Variants in PEX14 observed in about 807,000 individuals in gnomAD.
PEX14 encodes peroxisomal biogenesis factor 14.
In PEX14, 15 loss-of-function variants were observed where a neutral mutation model predicts 49.5. The observed-to-expected ratio is 0.30, with a 90% CI of 0.20 to 0.47. The LOEUF is 0.47. PEX14 is among the 20% of genes least tolerant of loss of function. The probability of loss-of-function intolerance (pLI) is 1.00; values close to 1 mark genes in which losing one functional copy is unlikely to be tolerated. For missense variants in PEX14, 398 were observed against 494.8 expected, an observed-to-expected ratio of 0.80 and a Z score of 1.86; for synonymous variants, 210 against 212.7, an observed-to-expected ratio of 0.99 and a Z score of 0.11.
intron 3 of PEX14, among the ~76,000 whole-genome samples, chr1:10,541,264 C>T (rs949595797): frequency 6.6e-6 from 1 of 152,200 alleles, no homozygotes; most frequent in Non-Finnish European, 1.5e-5. Context: ...CCCCGTGGTC[C>T]TAGACAAACA....
chr1:10,557,281 G>C (rs1439942121), intron 3 of PEX14, among the ~76,000 whole-genome samples: 10 of 152,270 alleles, frequency 6.6e-5, no homozygotes, highest in African/African-American at 2.4e-4. Context: ...GATTACCTTT[G>C]TGGGGTAAAA....
At chr1:10,586,402 C>T (rs544828657) in intron 3 of PEX14, among the ~76,000 whole-genome samples, 12 of 152,200 alleles carry the variant, frequency 7.9e-5, no homozygotes, top group Middle Eastern at 3.4e-3. Flanking sequence ...ACATTGTTGG[C>T]AGTATCTGTT....
chr1:10,590,610 A>T (rs1037836107), intron 3 of PEX14, among the ~76,000 whole-genome samples: 1 of 152,212 alleles, frequency 6.6e-6, no homozygotes, highest in African/African-American at 2.4e-5. Context: ...TTGCACTCTC[A>T]CATTGCCTAG....
chr1:10,522,029 A>G (rs1467481500), intron 2 of PEX14, among the ~76,000 whole-genome samples: 2 of 152,150 alleles, frequency 1.3e-5, no homozygotes, highest in Non-Finnish European at 2.9e-5. Flanking sequence ...GAATTTAGCC[A>G]TTCTGGAATG....
At chr1:10,618,195 G>A (rs1641482363) in intron 4 of PEX14, 137 bp from the exon 5 acceptor site, 1 of 686,536 alleles carries the variant, frequency 1.5e-6, no homozygotes, top group Non-Finnish European at 2.7e-6. Flanking sequence ...ATCATGTGCT[G>A]CCTTCCTGCG....
chr1:10,500,365 T>C (rs1641651285), intron 2 of PEX14, among the ~76,000 whole-genome samples: 1 of 114,802 alleles, frequency 8.7e-6, no homozygotes, highest in South Asian at 3.1e-4. Context: ...CAGAGCCAGA[T>C]TCTGTCTCAA....
chr1:10,587,840 A>T (rs1640539217), intron 3 of PEX14, among the ~76,000 whole-genome samples: 1 of 149,980 alleles, frequency 6.7e-6, no homozygotes, highest in African/African-American at 2.5e-5. Context: ...CAGCATGTAT[A>T]GCGTGCTATC....
intron 3 of PEX14, among the ~76,000 whole-genome samples, chr1:10,555,128 C>T (rs936080482): frequency 2.0e-5 from 3 of 152,086 alleles, no homozygotes; most frequent in African/African-American, 7.2e-5. Flanking sequence ...CTGACCCTAC[C>T]CCCCAATAAC....
chr1:10,546,835 C>T (rs957516512), intron 3 of PEX14, among the ~76,000 whole-genome samples: 10 of 151,992 alleles, frequency 6.6e-5, no homozygotes, highest in African/African-American at 2.4e-4. Context: ...CGCCACTGCA[C>T]TCCAGCCTGG....
At chr1:10,624,512 C>A in intron 7 of PEX14, 75 bp downstream of exon 7, 1 of 1,030,736 alleles carries the variant, frequency 9.7e-7, no homozygotes, top group Non-Finnish European at 1.5e-6. Context: ...TCCCTTGGGC[C>A]GGGCTTGCCA....
intron 4 of PEX14, among the ~76,000 whole-genome samples, chr1:10,610,288 T>A (rs2124620297): frequency 6.8e-6 from 1 of 148,036 alleles, no homozygotes; most frequent in South Asian, 2.1e-4. Context: ...AGACACCATC[T>A]CACTCTGTTG....
rs965180819 is a variant in PEX14 at position 10,628,076 on chromosome 1, C to T, written c.677+713C>T. Among the ~76,000 whole-genome samples the T allele has an allele frequency of 5.9e-5, 9 of 152,204 alleles. No individual in the cohort carries two copies. Among genetic ancestry groups the T allele is most frequent in the African/African-American group, 2.2e-4 (9 of 41,448 alleles). On this transcript the variant is annotated intron_variant, in intron 8 of 8. Transcript: ENST00000356607. This position sits in a 1 kb window ranked among gnomAD's most constrained non-coding sequence, Gnocchi z 4.5. ...TCAGCCTCCCGAGTAGCTGGGATTA[C>T]AGGCGCCCGCCACCACTCCCGGCTA... is the stretch of plus-strand genomic sequence containing the variant.
chr1:10,571,523 G>A (rs1403443903), intron 3 of PEX14, among the ~76,000 whole-genome samples: 1 of 151,862 alleles, frequency 6.6e-6, no homozygotes, highest in Non-Finnish European at 1.5e-5. Flanking sequence ...AAATGGCTAA[G>A]ATGGGCCGGG....
intron 3 of PEX14, among the ~76,000 whole-genome samples, chr1:10,546,705 A>G (rs1639185497): frequency 1.4e-5 from 2 of 140,084 alleles, no homozygotes; most frequent in Non-Finnish European, 3.1e-5. Flanking sequence ...TCTCTACTAG[A>G]AAAAAAAAAA....
In PEX14 at chr1:10,629,187, G is replaced by A. The variant is rs2124649121; in HGVS notation, c.678-344G>A. Among the ~76,000 whole-genome samples, 1 of 152,356 alleles carries A rather than the reference G, an allele frequency of 6.6e-6. No individual in the cohort carries two copies. Among genetic ancestry groups the A allele is most frequent in the South Asian group, 2.1e-4 (1 of 4,834 alleles). ...CTCTCTCCTGGCCACTGGGTTGGAG[G>A]CAGGGATGGTGCTGAGGATCAGAAG... On this transcript the variant is annotated intron_variant, in intron 8 of 8. Coordinates refer to ENST00000356607, the MANE Select transcript of PEX14 (RefSeq NM_004565.3). The surrounding 1 kb of genome is among the most constrained non-coding windows in gnomAD (Gnocchi z 8.5).
chr1:10,580,796 T>C (rs1640293100), intron 3 of PEX14, among the ~76,000 whole-genome samples: 1 of 151,808 alleles, frequency 6.6e-6, no homozygotes, highest in Non-Finnish European at 1.5e-5. Context: ...TTTTTTTCAG[T>C]GCATTATTTT....
intron 2 of PEX14, among the ~76,000 whole-genome samples, chr1:10,499,078 T>C (rs74051823): frequency 0.015 from 2,232 of 152,352 alleles, 62 homozygotes; most frequent in African/African-American, 0.05. Flanking sequence ...GTGCATGGGG[T>C]AATTCAGTTC....
chr1:10,499,428 A>T (rs1336920474), intron 2 of PEX14, among the ~76,000 whole-genome samples: 1 of 149,522 alleles, frequency 6.7e-6, no homozygotes, highest in East Asian at 2.0e-4. Flanking sequence ...TCTCCACCAA[A>T]ATAATCCCAA....
intron 2 of PEX14, among the ~76,000 whole-genome samples, chr1:10,521,797 C>T (rs967111828): frequency 6.6e-6 from 1 of 152,156 alleles, no homozygotes; most frequent in Non-Finnish European, 1.5e-5. Flanking sequence ...ATACTTTTAA[C>T]CTTCTGAAGT....
Sources: gnomAD v4.1 joint callset for allele counts (sites outside exome capture counted in the v4.1 genomes callset) on GRCh38, gnomAD v4.1.1 for gene constraint, Gnocchi (gnomAD v3.1) non-coding constraint, MANE v1.5 for transcripts, NCBI Gene and HGNC (gene_info 2026-07-23, HGNC 2026-07-21) for gene names.